The following CATSPER3 variants were observed in gnomAD, a reference collection of about 807,000 sequenced individuals.
CATSPER3 encodes the protein cation channel sperm-associated protein 3.
A neutral mutation model predicts 36.6 loss-of-function variants in CATSPER3; 23 were observed. That is an observed-to-expected ratio of 0.63 (90% CI 0.45 to 0.89). CATSPER3 has a LOEUF of 0.89. Among genes scored for constraint, CATSPER3 ranks in the 40% least tolerant of loss-of-function variants. The probability of loss-of-function intolerance (pLI) is 0.00; values close to 1 mark genes in which losing one functional copy is unlikely to be tolerated. For missense variants in CATSPER3, 474 were observed against 503.9 expected, an observed-to-expected ratio of 0.94 and a Z score of 0.57; for synonymous variants, 172 against 184.1, an observed-to-expected ratio of 0.93 and a Z score of 0.53.
In CATSPER3 at chr5:134,996,356, C is replaced by T. The variant is rs749172456; in HGVS notation, c.336C>T (p.Asn112=). 3.6e-5 allele frequency: 58 copies of T among 1,614,124 alleles called. No individual in the cohort carries two copies. Among genetic ancestry groups the T allele is most frequent in the Admixed American group, 8.3e-5 (5 of 60,014 alleles). The change falls in exon 3 of 8, where the codon AAC becomes AAT. Residue 112 remains asparagine (N), a synonymous_variant. Coordinates refer to ENST00000282611, the MANE Select transcript of CATSPER3 (RefSeq NM_178019.3). ...TGGACCCCATCAACTACTGGAAGAACGGCTACAACCTGCTGGATGTGATCA... is the reference window on the plus strand; with the variant it reads ...TGGACCCCATCAACTACTGGAAGAATGGCTACAACCTGCTGGATGTGATCA... ...VYVDPINYWK[N]GYNLLDVIII...
At chr5:134,978,607 G>A (rs770021535) in intron 2 of CATSPER3, among the ~76,000 whole-genome samples, 13 of 152,024 alleles carry the variant, frequency 8.6e-5, no homozygotes, top group African/African-American at 1.5e-4. Flanking sequence ...TGGAAGTCAT[G>A]GCTAATGCAA....
chr5:135,009,161 T>C (rs1437915816), intron 5 of CATSPER3, among the ~76,000 whole-genome samples, 180 bp downstream of exon 5: 1 of 152,176 alleles, frequency 6.6e-6, no homozygotes, highest in Non-Finnish European at 1.5e-5. Flanking sequence ...CCAGTGCATT[T>C]GCCTTGCCTG....
At chr5:135,005,929 G>A (rs1752080513) in intron 3 of CATSPER3, among the ~76,000 whole-genome samples, 1 of 152,218 alleles carries the variant, frequency 6.6e-6, no homozygotes, top group African/African-American at 2.4e-5. Context: ...CTGGGCACCT[G>A]CCTTGCCTGG....
rs1752148121 is a variant in CATSPER3, at chr5:135,009,401, A to G, written c.847A>G (p.Met283Val). 6.2e-7 allele frequency: 1 copy of G among 1,613,210 alleles called. No homozygotes were observed. Among genetic ancestry groups the G allele is most frequent in the African/African-American group, 1.3e-5 (1 of 74,914 alleles). The stretch of plus-strand genomic sequence containing the variant: ...CATCAGAAAGTTTGAGCGAGAGCTG[A>G]TGTTGGAGCAGCAGGAGATGCTCAT... ...DSIRKFEREL[M>V]LEQQEMLMGE... Residue 283 changes from methionine (M) to valine (V), a missense_variant, in exon 6 of 8, where the codon ATG (methionine) becomes GTG (valine). Physicochemically the swap from Met to Val is conservative, Grantham distance 21. Transcript: ENST00000282611.
Position 134,968,000 on chromosome 5 carries a change from A to G in CATSPER3, c.9A>G (p.Gln3=). Residue 3 remains glutamine (Q), a synonymous_variant, in exon 1 of 8, where the codon CAA becomes CAG. Coordinates refer to ENST00000282611, the MANE Select transcript of CATSPER3 (RefSeq NM_178019.3). MS[Q]HRHQRHSRVI... ...AGTTGAAAATTTGGAAAATGTCTCA[A>G]CACCGTCACCAGCGCCACTCGAGAG... The G allele has an allele frequency of 6.2e-7, 1 of 1,613,858 alleles. No individual in the cohort carries two copies. Among genetic ancestry groups the G allele is most frequent in the Non-Finnish European group, 8.5e-7 (1 of 1,179,714 alleles).
intron 2 of CATSPER3, among the ~76,000 whole-genome samples, chr5:134,977,910 AAG>A (rs1352841392): frequency 2.0e-5 from 3 of 152,068 alleles, no homozygotes; most frequent in Admixed American, 6.6e-5. Context: ...GAGAGAGAGC[AAG>A]AGAGAGAGGG....
At chr5:135,007,841 C>T in intron 3 of CATSPER3, 116 bp from the exon 4 acceptor site, 1 of 426,340 alleles carries the variant, frequency 2.3e-6, no homozygotes, top group Non-Finnish European at 4.5e-6. Flanking sequence ...CTACCTTGTG[C>T]CAGGCATGGC....
At chr5:134,991,434 A>G (rs1751878180) in intron 2 of CATSPER3, among the ~76,000 whole-genome samples, 1 of 152,246 alleles carries the variant, frequency 6.6e-6, no homozygotes, top group African/African-American at 2.4e-5. Flanking sequence ...GGTACTAGCA[A>G]TAGGATAGAC....
chr5:134,969,887 G>A, intron 1 of CATSPER3, 52 bp from the exon 2 acceptor site: 1 of 1,596,230 alleles, frequency 6.3e-7, no homozygotes, highest in Non-Finnish European at 8.6e-7. Context: ...CATTTTATGG[G>A]GATCTAGCTC....
At chr5:134,997,521 C>T (rs1409643309) in intron 3 of CATSPER3, among the ~76,000 whole-genome samples, 1 of 152,216 alleles carries the variant, frequency 6.6e-6, no homozygotes, top group Non-Finnish European at 1.5e-5. Context: ...TCCCTACACT[C>T]CAGAATATCT....
intron 3 of CATSPER3, among the ~76,000 whole-genome samples, chr5:135,005,170 G>A (rs997825499): frequency 6.6e-6 from 1 of 152,228 alleles, no homozygotes; most frequent in South Asian, 2.1e-4. Flanking sequence ...TGCTGGCTTA[G>A]TGCACCGTCT....
intron 3 of CATSPER3, among the ~76,000 whole-genome samples, chr5:134,997,427 T>C (rs1236022475): frequency 6.6e-6 from 1 of 152,170 alleles, no homozygotes; most frequent in Non-Finnish European, 1.5e-5. Flanking sequence ...CTCCCTCTCC[T>C]TCTCTTCATG....
intron 2 of CATSPER3, among the ~76,000 whole-genome samples, chr5:134,993,532 C>T (rs1333265945): frequency 6.6e-6 from 1 of 152,018 alleles, no homozygotes; most frequent in East Asian, 1.9e-4. Context: ...AAATAAAGAA[C>T]TTTCTTCATG....
At chr5:134,977,356 C>A (rs142970712) in intron 2 of CATSPER3, among the ~76,000 whole-genome samples, 1 of 152,172 alleles carries the variant, frequency 6.6e-6, no homozygotes, top group African/African-American at 2.4e-5. Context: ...AAATTTCTTC[C>A]GCTAGATTCC....
intron 3 of CATSPER3, among the ~76,000 whole-genome samples, chr5:134,997,928 T>C (rs1215032824): frequency 2.0e-5 from 3 of 152,240 alleles, no homozygotes; most frequent in African/African-American, 4.8e-5. Context: ...TTTGTTGTTT[T>C]TTTAAAAATT....
chr5:135,004,695 G>A (rs1428995390), intron 3 of CATSPER3, among the ~76,000 whole-genome samples: 1 of 152,128 alleles, frequency 6.6e-6, no homozygotes, highest in African/African-American at 2.4e-5. Context: ...GATGTGGAAG[G>A]TCCCCAGGCT....
intron 3 of CATSPER3, among the ~76,000 whole-genome samples, chr5:135,006,261 G>C (rs927884050): frequency 1.3e-5 from 2 of 152,196 alleles, no homozygotes; most frequent in African/African-American, 4.8e-5. Flanking sequence ...TCCCAGGAGA[G>C]CGTGTCTGTT....
At chr5:135,007,012 CCT>C in intron 3 of CATSPER3, among the ~76,000 whole-genome samples, 1 of 152,260 alleles carries the variant, frequency 6.6e-6, no homozygotes, top group African/African-American at 2.4e-5. Context: ...TCTTGGACTG[CCT>C]CTGTTTCCCA....
chr5:134,991,519 C>T (rs181068850), intron 2 of CATSPER3, among the ~76,000 whole-genome samples: 18 of 152,182 alleles, frequency 1.2e-4, no homozygotes, highest in Admixed American at 2.6e-4. Context: ...TTTTTGATAA[C>T]GGGGTCAAGA....
Sources: gnomAD v4.1 joint callset for allele counts (sites outside exome capture counted in the v4.1 genomes callset) on GRCh38, gnomAD v4.1.1 for gene constraint, MANE v1.5 for transcripts, NCBI Gene and HGNC (gene_info 2026-07-23, HGNC 2026-07-21) for gene names.